Variants in CLSTN1 observed in about 807,000 individuals in gnomAD.
CLSTN1 encodes the protein calsyntenin-1.
A neutral mutation model predicts 108.3 loss-of-function variants in CLSTN1; 28 were observed. The observed-to-expected ratio is 0.26, with a 90% CI of 0.19 to 0.35. CLSTN1 has a LOEUF of 0.35. Among genes scored for constraint, CLSTN1 ranks in the 10% least tolerant of loss-of-function variants. CLSTN1 has a pLI of 1.00. For synonymous variants in CLSTN1, 524 were observed against 534.9 expected, an observed-to-expected ratio of 0.98 and a Z score of 0.28; for missense variants, 1,157 against 1,302.6, an observed-to-expected ratio of 0.89 and a Z score of 1.72.
intron 1 of CLSTN1, among the ~76,000 whole-genome samples, chr1:9,798,882 C>T (rs1412412413): frequency 6.6e-6 from 1 of 152,114 alleles, no homozygotes; most frequent in African/African-American, 2.4e-5. Flanking sequence ...TTGCTGCCCC[C>T]CAAAATTGGA....
chr1:9,779,036 A>AAAG (rs550799833), intron 1 of CLSTN1, among the ~76,000 whole-genome samples: 142 of 151,332 alleles, frequency 9.4e-4, no homozygotes, highest in African/African-American at 2.9e-3. Context: ...AAAAAAAAAA[A>AAAG]AAGAAGAAGA....
At chr1:9,740,376 T>C (rs1403760041) in intron 10 of CLSTN1, among the ~76,000 whole-genome samples, 1 of 152,086 alleles carries the variant, frequency 6.6e-6, no homozygotes, top group African/African-American at 2.4e-5. Flanking sequence ...CTTCTCAAAG[T>C]AAAAAAATTC....
intron 2 of CLSTN1, among the ~76,000 whole-genome samples, chr1:9,763,359 T>C (rs1239246435): frequency 6.6e-6 from 1 of 152,208 alleles, no homozygotes; most frequent in Non-Finnish European, 1.5e-5. Context: ...CAAATTCTAG[T>C]GTGCCAAAAA....
intron 1 of CLSTN1, among the ~76,000 whole-genome samples, chr1:9,798,464 C>T (rs1213222693): frequency 1.3e-5 from 2 of 152,164 alleles, no homozygotes; most frequent in East Asian, 3.8e-4. Context: ...GAACATTCAG[C>T]TAAGTGAAAG....
At chr1:9,755,413 A>G (rs1217627231) in intron 3 of CLSTN1, 104 bp from the exon 4 acceptor site, 1 of 989,220 alleles carries the variant, frequency 1.0e-6, no homozygotes. Flanking sequence ...AATGACAACA[A>G]TTTGGCAGCC....
rs1236590324 is a variant in CLSTN1, at chr1:9,811,724, T to C, written c.91+11919A>G. On this transcript the variant is annotated intron_variant, in intron 1 of 18. Transcript: ENST00000377298. ...TTAGTACTCTGACAAATGCTTGAAA[T>C]GCATGGCAAAAAAAAAAAAAAAAAG... Among the ~76,000 whole-genome samples the C allele has an allele frequency of 3.8e-5, 5 of 131,982 alleles. No homozygotes were observed. In the East Asian group the frequency reaches 1.0e-3, roughly 27 times the overall value. The allele number at this position is 131,982 out of a possible 152,430, so 86.6% of individuals were successfully genotyped here.
chr1:9,759,485 C>A (rs994142865), intron 2 of CLSTN1, among the ~76,000 whole-genome samples: 27 of 152,140 alleles, frequency 1.8e-4, no homozygotes, highest in African/African-American at 6.5e-4. Flanking sequence ...GGTTTCACCG[C>A]GTTAGCCAGG....
At chr1:9,764,634 C>CT (rs1334477804) in intron 2 of CLSTN1, among the ~76,000 whole-genome samples, 18 of 72,418 alleles carry the variant, frequency 2.5e-4, no homozygotes, top group African/African-American at 1.1e-3. Context: ...GAGGCTCCAT[C>CT]TTTAAAAAAA....
intron 1 of CLSTN1, among the ~76,000 whole-genome samples, chr1:9,789,312 A>G (rs1400759046): frequency 6.6e-6 from 1 of 151,336 alleles, no homozygotes; most frequent in Non-Finnish European, 1.5e-5. Context: ...AACCGTGCAC[A>G]AGGGCCCCGA....
At chr1:9,784,994 TTC>T (rs1319070857) in intron 1 of CLSTN1, among the ~76,000 whole-genome samples, 3 of 148,732 alleles carry the variant, frequency 2.0e-5, no homozygotes, top group East Asian at 1.9e-4. Flanking sequence ...TAGTCATAAA[TTC>T]TTTTTTTTTT....
In CLSTN1 at chr1:9,823,802, G is replaced by A; in HGVS notation, c.-69C>T. ...GAGCGGAGCTCTCGGAGCTCTCGGG[G>A]CTCTAGGGGCCTGGGGCTAGCTGCT... On this transcript the variant is annotated 5_prime_UTR_variant, in exon 1 of 19. Transcript: ENST00000377298. This position sits in a 1 kb window ranked among gnomAD's most constrained non-coding sequence, Gnocchi z 6.3. 1.2e-6 allele frequency: 1 copy of A among 814,642 alleles called. No homozygotes were observed. The highest frequency in any genetic ancestry group is 1.5e-6 in the Non-Finnish European group (1 of 666,428). 50.5% of individuals were successfully genotyped at this position (814,642 alleles called of 1,614,324 possible).
intron 1 of CLSTN1, among the ~76,000 whole-genome samples, chr1:9,814,745 A>C (rs1654904144): frequency 6.6e-6 from 1 of 152,044 alleles, no homozygotes. Flanking sequence ...TCCCGTCTCT[A>C]CAAAAATTTT....
chr1:9,751,774 C>T, intron 4 of CLSTN1, 93 bp from the exon 5 acceptor site: 2 of 1,117,190 alleles, frequency 1.8e-6, no homozygotes, highest in Non-Finnish European at 2.6e-6. Context: ...CAATTCTGCC[C>T]TACTTTAAAA....
In CLSTN1 at chr1:9,729,857, G is replaced by A. The variant is rs1650248268; in HGVS notation, c.*651C>T. The A allele has an allele frequency of 6.5e-6, 1 of 154,686 alleles. No homozygotes were observed. Among genetic ancestry groups the A allele is most frequent in the Non-Finnish European group, 1.4e-5 (1 of 69,638 alleles). 9.6% of individuals were successfully genotyped at this position (154,686 alleles called of 1,614,324 possible). ...ATACTCAGACCTGAGCAGGGGCTGG[G>A]GCGGGGCTGGGCGGGGTGGGCCTCT... On this transcript the variant is annotated 3_prime_UTR_variant, in exon 19 of 19. Coordinates refer to ENST00000377298, the MANE Select transcript of CLSTN1 (RefSeq NM_001009566.3).
chr1:9,734,202 G>A lies in CLSTN1; in HGVS notation c.2111-60C>T. 6.5e-7 allele frequency: 1 copy of A among 1,547,720 alleles called. No homozygotes were observed. The highest frequency in any genetic ancestry group is 1.2e-5 in the South Asian group (1 of 86,932). ...GGGCAGTGGGGCCCAGCGTGGCGGG[G>A]CACACTGGATGCCCTGCCGGCTCAC... On this transcript the variant is annotated intron_variant, in intron 14 of 18. Transcript: ENST00000377298. This position sits in a 1 kb window ranked among gnomAD's most constrained non-coding sequence, Gnocchi z 4.8.
At chr1:9,815,981 C>CTAA (rs1484865040) in intron 1 of CLSTN1, among the ~76,000 whole-genome samples, 1 of 151,978 alleles carries the variant, frequency 6.6e-6, no homozygotes, top group Admixed American at 6.6e-5. Context: ...AAGAGTTACC[C>CTAA]TAAGACCCAA....
intron 9 of CLSTN1, among the ~76,000 whole-genome samples, chr1:9,741,680 G>A (rs1417843233): frequency 1.3e-5 from 2 of 152,234 alleles, no homozygotes; most frequent in Admixed American, 6.5e-5. Context: ...GGGAGGCCAA[G>A]GCGAGGAGAT....
chr1:9,748,245 C>A (rs576569708), intron 7 of CLSTN1, among the ~76,000 whole-genome samples: 10 of 152,278 alleles, frequency 6.6e-5, no homozygotes, highest in African/African-American at 2.2e-4. Flanking sequence ...CTTCCCTCAA[C>A]ATCTTCCATG....
At chr1:9,771,279 A>T (rs770328994) in intron 2 of CLSTN1, among the ~76,000 whole-genome samples, 14 of 152,238 alleles carry the variant, frequency 9.2e-5, no homozygotes, top group Non-Finnish European at 1.5e-4. Context: ...CAGGAGTTCG[A>T]GACCAGCCTG....
Sources: gnomAD v4.1 joint callset for allele counts (sites outside exome capture counted in the v4.1 genomes callset) on GRCh38, gnomAD v4.1.1 for gene constraint, Gnocchi (gnomAD v3.1) non-coding constraint, MANE v1.5 for transcripts, NCBI Gene and HGNC (gene_info 2026-07-23, HGNC 2026-07-21) for gene names.